EPHA3: variants seen among roughly 807,000 people sequenced by gnomAD.
EPHA3 encodes the protein EPH receptor A3.
In EPHA3, 42 loss-of-function variants were observed where a neutral mutation model predicts 107.1. The observed-to-expected ratio is 0.39, with a 90% CI of 0.31 to 0.51. The LOEUF (loss-of-function observed/expected upper bound fraction) is 0.51, where lower values mean the gene tolerates loss of function less well. Among genes scored for constraint, EPHA3 ranks in the 20% least tolerant of loss-of-function variants. The pLI is 0.78. For missense variants in EPHA3, 1,183 were observed against 1,211.2 expected (o/e 0.98, Z 0.35); for synonymous variants, 461 against 424.8 (o/e 1.09, Z -1.05).
chr3:89,166,673 T>C (rs891637635), intron 2 of EPHA3, among the ~76,000 whole-genome samples: 1 of 152,182 alleles, frequency 6.6e-6, no homozygotes, highest in Non-Finnish European at 1.5e-5. Context: ...TTCTTTTGCT[T>C]CTTGGAATTA....
intron 13 of EPHA3, among the ~76,000 whole-genome samples, chr3:89,448,318 A>G (rs1214930834): frequency 1.3e-5 from 2 of 152,126 alleles, no homozygotes; most frequent in African/African-American, 2.4e-5. Flanking sequence ...TGTGCTAGAT[A>G]CCTATTTCGT....
intron 2 of EPHA3, among the ~76,000 whole-genome samples, chr3:89,208,420 A>AAGGAAGGAAGGC (rs1706167125): frequency 1.1e-5 from 1 of 87,702 alleles, no homozygotes; most frequent in Non-Finnish European, 2.2e-5. Context: ...GGAAGGAAGG[A>AAGGAAGGAAGGC]AGGAAGAAAG....
intron 5 of EPHA3, among the ~76,000 whole-genome samples, chr3:89,372,033 G>A (rs1708316159): frequency 6.6e-6 from 1 of 151,182 alleles, no homozygotes; most frequent in African/African-American, 2.4e-5. Context: ...CATTTTAGCA[G>A]AGAGAGGGAG....
intron 7 of EPHA3, among the ~76,000 whole-genome samples, chr3:89,404,473 A>G (rs1331724532): frequency 6.6e-6 from 1 of 152,184 alleles, no homozygotes; most frequent in African/African-American, 2.4e-5. Flanking sequence ...TGAGAGAGAA[A>G]GCCAGCACTC....
At chr3:89,121,306 T>C (rs1487491972) in intron 1 of EPHA3, among the ~76,000 whole-genome samples, 1 of 152,168 alleles carries the variant, frequency 6.6e-6, no homozygotes, top group Non-Finnish European at 1.5e-5. Flanking sequence ...TTGATAAAAA[T>C]TGTATAAATT....
intron 3 of EPHA3, among the ~76,000 whole-genome samples, chr3:89,251,401 C>T (rs1705164447): frequency 6.6e-6 from 1 of 151,866 alleles, no homozygotes; most frequent in African/African-American, 2.4e-5. Flanking sequence ...ATCACAGTAA[C>T]AATTCTGGGC....
intron 5 of EPHA3, among the ~76,000 whole-genome samples, chr3:89,366,652 C>A (rs17801031): frequency 0.23 from 34,624 of 150,114 alleles, 5,225 homozygotes; most frequent in Non-Finnish European, 0.28. Flanking sequence ...GCAATGGATA[C>A]CTGCTGAGTA....
chr3:89,317,079 AC>A, intron 3 of EPHA3, among the ~76,000 whole-genome samples: 1 of 151,804 alleles, frequency 6.6e-6, no homozygotes, highest in Non-Finnish European at 1.5e-5. Flanking sequence ...AATCTACTTA[AC>A]CAAACGTTAA....
Position 89,216,784 on chromosome 3 carries a change from G to A in EPHA3, c.814+6264G>A, listed in dbSNP as rs115749752. Among the ~76,000 whole-genome samples, 1,288 of 152,186 alleles carry A rather than the reference G, an allele frequency of 8.5e-3. 29 individuals are homozygous for A. Among genetic ancestry groups the A allele is most frequent in the African/African-American group, 0.03 (1,231 of 41,544 alleles). On this transcript the variant is annotated intron_variant, in intron 3 of 16. Transcript: ENST00000336596. ...CTTCTGTGTTTTCAACTTTCAAGAT[G>A]CAATGTAACCATGTTTTTCAGAATA...
At chr3:89,132,340 C>T (rs1185943119) in intron 2 of EPHA3, among the ~76,000 whole-genome samples, 2 of 152,124 alleles carry the variant, frequency 1.3e-5, no homozygotes, top group Non-Finnish European at 2.9e-5. Flanking sequence ...AAAAGGCATC[C>T]TTACAGGATA....
At chr3:89,338,822 ACACT>A (rs1483528748) in intron 3 of EPHA3, among the ~76,000 whole-genome samples, 6 of 152,160 alleles carry the variant, frequency 3.9e-5, no homozygotes, top group South Asian at 2.1e-4. Flanking sequence ...TATTCACTAA[ACACT>A]CAGTCACTTT....
intron 5 of EPHA3, among the ~76,000 whole-genome samples, chr3:89,362,594 GA>G (rs1708115550): frequency 6.6e-6 from 1 of 151,060 alleles, no homozygotes; most frequent in Non-Finnish European, 1.5e-5. Flanking sequence ...AATATGGAAA[GA>G]TGTTCCTTGA....
chr3:89,343,205 A>T (rs1276416063), intron 5 of EPHA3, among the ~76,000 whole-genome samples: 1 of 152,096 alleles, frequency 6.6e-6, no homozygotes, highest in Non-Finnish European at 1.5e-5. Flanking sequence ...AGCCAAAAAA[A>T]CTCACCACAT....
In EPHA3 at chr3:89,135,762, G is replaced by GAA. The variant is rs11369116; in HGVS notation, c.153+8498_153+8499dup. On this transcript the variant is annotated intron_variant, in intron 2 of 16. Coordinates refer to ENST00000336596, the MANE Select transcript of EPHA3 (RefSeq NM_005233.6). Reference sequence around the variant, plus strand: ...CTGGCTTGTGAACTGAAGTTTAACTGAAAAAAAAAACTATGTAAAGATAGC... The same window carrying GAA: ...CTGGCTTGTGAACTGAAGTTTAACTGAAAAAAAAAAAACTATGTAAAGATAGC... Among the ~76,000 whole-genome samples, 85 of 147,834 alleles carry GAA rather than the reference G, an allele frequency of 5.7e-4. 1 individual carries two copies. Among genetic ancestry groups the GAA allele is most frequent in the Admixed American group, 1.1e-3 (17 of 14,810 alleles).
At chr3:89,243,737 T>A (rs141886386) in intron 3 of EPHA3, among the ~76,000 whole-genome samples, 1 of 152,286 alleles carries the variant, frequency 6.6e-6, no homozygotes, top group Non-Finnish European at 1.5e-5. Context: ...AGTAGTTTCT[T>A]TTGCTGTGCA....
rs13069116 is a variant in EPHA3 at position 89,298,373 on chromosome 3, T to C, written c.815-42543T>C. Among the ~76,000 whole-genome samples, 883 of 152,290 alleles carry C rather than the reference T, an allele frequency of 5.8e-3. 5 individuals are homozygous for C. The highest frequency in any genetic ancestry group is 0.017 in the Middle Eastern group (5 of 294). ...TTCATTTCCTAAAACCCAAGAATTT[T>C]CTGAGCTCTACTTTGGTTTTCTGTC... On this transcript the variant is annotated intron_variant, in intron 3 of 16. Coordinates refer to ENST00000336596, the MANE Select transcript of EPHA3 (RefSeq NM_005233.6).
rs540756434 is a variant in EPHA3 at position 89,343,198 on chromosome 3, C to CA, written c.1306+1115dup. Among the ~76,000 whole-genome samples the CA allele has an allele frequency of 4.3e-4, 65 of 152,142 alleles. No homozygotes were observed. The East Asian group carries it at 7.4e-3, about 17-fold the overall frequency. On this transcript the variant is annotated intron_variant, in intron 5 of 16. Coordinates refer to ENST00000336596, the MANE Select transcript of EPHA3 (RefSeq NM_005233.6). ...GTCTTCTAGTAGCCAAATCATGAGC[C>CA]AAAAAAACTCACCACATTCTGTTTC...
chr3:89,459,278 C>A (rs1710165222), intron 15 of EPHA3, among the ~76,000 whole-genome samples: 1 of 151,902 alleles, frequency 6.6e-6, no homozygotes, highest in African/African-American at 2.4e-5. Flanking sequence ...TGTGAGAGAC[C>A]TAATTATAAA....
intron 2 of EPHA3, among the ~76,000 whole-genome samples, chr3:89,184,319 T>C (rs1407285275): frequency 6.6e-6 from 1 of 152,012 alleles, no homozygotes; most frequent in Middle Eastern, 3.2e-3. Flanking sequence ...TGTAGAGTAA[T>C]GGTATCCTTA....
Sources: allele counts gnomAD v4.1 joint callset (sites outside exome capture counted in the v4.1 genomes callset), GRCh38; gene constraint gnomAD v4.1.1; transcripts MANE v1.5; gene names NCBI Gene and HGNC (gene_info 2026-07-23, HGNC 2026-07-21).